The following PRKAR2B variants were observed in gnomAD, a reference collection of about 807,000 sequenced individuals.
PRKAR2B encodes protein kinase cAMP-dependent type II regulatory subunit beta.
In PRKAR2B, 14 loss-of-function variants were observed where a neutral mutation model predicts 49.9. The ratio of observed to expected loss-of-function variants is 0.28; its 90% confidence interval spans 0.19 to 0.44. PRKAR2B has a LOEUF of 0.44. Among genes scored for constraint, PRKAR2B ranks in the 20% least tolerant of loss-of-function variants. PRKAR2B has a pLI of 1.00. For synonymous variants in PRKAR2B, 196 were observed against 197.7 expected (o/e 0.99, Z 0.07); for missense variants, 393 against 537.9 (o/e 0.73, Z 2.67).
At position 107,121,037 on chromosome 7, in the gene PRKAR2B, A is replaced by T. The variant is rs59994482; in HGVS notation, c.344-915A>T. Among the ~76,000 whole-genome samples, 820 of 151,030 alleles carry T rather than the reference A, an allele frequency of 5.4e-3. 7 individuals are homozygous for T. The highest frequency in any genetic ancestry group is 0.016 in the African/African-American group (682 of 41,436). On this transcript the variant is annotated intron_variant, in intron 2 of 10. Transcript: ENST00000265717. ...AAACTATTTAATAATTTTTTAAAAA[A>T]TTTTAAATTATTTATTTAAATTGAC... is the stretch of plus-strand genomic sequence containing the variant.
At chr7:107,147,138 C>T (rs1282807929) in intron 6 of PRKAR2B, among the ~76,000 whole-genome samples, 3 of 152,028 alleles carry the variant, frequency 2.0e-5, no homozygotes, top group East Asian at 1.9e-4. Flanking sequence ...GGTGAAACCC[C>T]GTCTCTACTA....
chr7:107,064,067 C>T (rs571806070), intron 1 of PRKAR2B, among the ~76,000 whole-genome samples: 6 of 152,286 alleles, frequency 3.9e-5, no homozygotes, highest in African/African-American at 1.4e-4. Flanking sequence ...TCTGAGCCCA[C>T]ATTTAAAATC....
intron 2 of PRKAR2B, among the ~76,000 whole-genome samples, chr7:107,072,930 C>T (rs188386275): frequency 5.3e-5 from 8 of 152,126 alleles, no homozygotes; most frequent in Non-Finnish European, 8.8e-5. Context: ...GTCTGTACGA[C>T]GTAAGAGTTT....
chr7:107,112,366 A>G (rs1409972767), intron 2 of PRKAR2B, among the ~76,000 whole-genome samples: 1 of 151,978 alleles, frequency 6.6e-6, no homozygotes, highest in Non-Finnish European at 1.5e-5. Flanking sequence ...TTAAAGGTTC[A>G]TTTAAATTTA....
chr7:107,133,438 C>T (rs946958072), intron 4 of PRKAR2B, among the ~76,000 whole-genome samples: 13 of 152,140 alleles, frequency 8.5e-5, no homozygotes, highest in African/African-American at 3.1e-4. Flanking sequence ...TTAAAAAAGT[C>T]AATATATAAA....
intron 4 of PRKAR2B, among the ~76,000 whole-genome samples, chr7:107,132,226 A>G (rs1033090702): frequency 1.3e-5 from 2 of 152,224 alleles, no homozygotes; most frequent in African/African-American, 4.8e-5. Flanking sequence ...AGTGGCAACC[A>G]TCCAGTGATG....
chr7:107,072,354 T>C (rs988801726), intron 2 of PRKAR2B, among the ~76,000 whole-genome samples: 1 of 151,998 alleles, frequency 6.6e-6, no homozygotes, highest in Non-Finnish European at 1.5e-5. Context: ...AGAATGAATC[T>C]TGACATTAAT....
intron 2 of PRKAR2B, among the ~76,000 whole-genome samples, chr7:107,099,220 A>G (rs112171645): frequency 1.3e-5 from 2 of 152,052 alleles, no homozygotes; most frequent in Non-Finnish European, 2.9e-5. Flanking sequence ...GTAATGGTGG[A>G]TGCCCCTTCC....
chr7:107,158,365 A>G (rs1173962708), intron 10 of PRKAR2B, among the ~76,000 whole-genome samples: 5 of 152,176 alleles, frequency 3.3e-5, no homozygotes, highest in African/African-American at 1.2e-4. Flanking sequence ...TGTAGAAAAA[A>G]CATAACACCG....
rs1356718768 is a variant in PRKAR2B at position 107,045,018 on chromosome 7, C to G, written c.111C>G (p.Thr37=). The stretch of plus-strand genomic sequence containing the variant: ...TGGAGTTCGCGCTGCAGCACTTCAC[C>G]CGCCTGCAGCAGGAGAACGAGCGCA... ...DLLEFALQHF[T]RLQQENERKG... The change falls in exon 1 of 11, where the codon ACC becomes ACG. Residue 37 remains threonine (T), a synonymous_variant. Coordinates refer to ENST00000265717, the MANE Select transcript of PRKAR2B (RefSeq NM_002736.3). 6.4e-7 allele frequency: 1 copy of G among 1,551,782 alleles called. No individual in the cohort carries two copies. Among genetic ancestry groups the G allele is most frequent in the African/African-American group, 1.4e-5 (1 of 73,460 alleles).
intron 8 of PRKAR2B, among the ~76,000 whole-genome samples, chr7:107,156,477 A>G (rs549302589): frequency 2.6e-5 from 4 of 152,108 alleles, no homozygotes; most frequent in Admixed American, 6.5e-5. Flanking sequence ...TAATTTTACA[A>G]ATGAAATCAT....
intron 2 of PRKAR2B, among the ~76,000 whole-genome samples, chr7:107,087,244 C>T (rs1794638149): frequency 1.3e-5 from 2 of 151,776 alleles, no homozygotes; most frequent in African/African-American, 4.8e-5. Flanking sequence ...CATTTTCATC[C>T]ATCAAATATG....
At chr7:107,098,711 C>G (rs1343843964) in intron 2 of PRKAR2B, among the ~76,000 whole-genome samples, 6 of 152,038 alleles carry the variant, frequency 3.9e-5, no homozygotes, top group Non-Finnish European at 8.8e-5. Context: ...GATGTCCTTT[C>G]TGTTTGTTAG....
At chr7:107,066,923 T>C (rs1794160962) in intron 1 of PRKAR2B, 1 of 152,272 alleles carries the variant, frequency 6.6e-6, no homozygotes, top group African/African-American at 2.4e-5. Flanking sequence ...GGGCAGATTT[T>C]ACTCTCCATA....
chr7:107,109,821 T>A (rs1184965906), intron 2 of PRKAR2B, among the ~76,000 whole-genome samples: 1 of 152,192 alleles, frequency 6.6e-6, no homozygotes, highest in East Asian at 1.9e-4. Context: ...TAGATACTCC[T>A]GTAAAACATA....
At chr7:107,146,115 T>C (rs1413716026) in intron 5 of PRKAR2B, among the ~76,000 whole-genome samples, 193 bp from the exon 6 acceptor site, 1 of 152,168 alleles carries the variant, frequency 6.6e-6, no homozygotes, top group Non-Finnish European at 1.5e-5. Flanking sequence ...CAAATTTTTA[T>C]TGTTTAGTCC....
chr7:107,146,251 GTTTTA>G, intron 5 of PRKAR2B, 52 bp from the exon 6 acceptor site: 1 of 1,529,316 alleles, frequency 6.5e-7, no homozygotes, highest in South Asian at 1.2e-5. Flanking sequence ...CTGAAATAAT[GTTTTA>G]TTTTAATGAT....
At position 107,161,588 on chromosome 7, in the gene PRKAR2B, T is replaced by C. The variant is rs1027749435; in HGVS notation, c.*2006T>C. On this transcript the variant is annotated 3_prime_UTR_variant, in exon 11 of 11. Coordinates refer to ENST00000265717, the MANE Select transcript of PRKAR2B (RefSeq NM_002736.3). ...ATAATGCATAATTCATTGAAAAGCA[T>C]GATAGCAATGTGGCATGTGGAAGCG... 2.0e-5 allele frequency: 3 copies of C among 152,640 alleles called. No homozygotes were observed. The highest frequency in any genetic ancestry group is 7.2e-5 in the African/African-American group (3 of 41,462). The allele number at this position is 152,640 out of a possible 1,614,324, so 9.5% of individuals were successfully genotyped here. A position where few individuals can be genotyped will look rare whatever the true frequency, so the allele number is the denominator to read the frequency against.
At chr7:107,097,856 G>C (rs952901518) in intron 2 of PRKAR2B, among the ~76,000 whole-genome samples, 2 of 152,216 alleles carry the variant, frequency 1.3e-5, no homozygotes, top group African/African-American at 4.8e-5. Flanking sequence ...CTTCTGGCTT[G>C]TAGAGTTTCT....
Sources: allele counts gnomAD v4.1 joint callset (sites outside exome capture counted in the v4.1 genomes callset), GRCh38; gene constraint gnomAD v4.1.1; transcripts MANE v1.5; gene names NCBI Gene and HGNC (gene_info 2026-07-23, HGNC 2026-07-21).